Variants in RXFP1 observed in about 807,000 individuals in gnomAD.
The protein encoded by RXFP1 is relaxin receptor 1.
RXFP1 carries 73 observed loss-of-function variants against 89.8 expected under a neutral mutation model. The observed-to-expected ratio is 0.81, with a 90% CI of 0.67 to 0.99. The LOEUF is 0.99. RXFP1 is among the 50% of genes least tolerant of loss of function. RXFP1 has a pLI of 0.00. For synonymous variants in RXFP1, 277 were observed against 305.5 expected (o/e 0.91, Z 0.97); for missense variants, 793 against 895.5 (o/e 0.89, Z 1.46).
chr4:158,627,145 G>T (rs10025895), intron 10 of RXFP1, among the ~76,000 whole-genome samples: 4,532 of 152,166 alleles, frequency 0.03, 199 homozygotes, highest in African/African-American at 0.1. Context: ...AAATACTGCT[G>T]AATGTTCACA....
At chr4:158,564,307 G>C (rs1208173860) in intron 1 of RXFP1, among the ~76,000 whole-genome samples, 1 of 152,142 alleles carries the variant, frequency 6.6e-6, no homozygotes, top group Non-Finnish European at 1.5e-5. Context: ...TTTTTAAATT[G>C]TTATATACAA....
At chr4:158,638,249 T>C (rs1465133600) in intron 13 of RXFP1, among the ~76,000 whole-genome samples, 170 bp downstream of exon 13, 2 of 152,192 alleles carry the variant, frequency 1.3e-5, no homozygotes, top group East Asian at 1.9e-4. Context: ...AACTATTAGT[T>C]TTATCTTATA....
Position 158,599,400 on chromosome 4 carries a change from G to T in RXFP1, c.361G>T (p.Val121Phe). 1.2e-6 allele frequency: 2 copies of T among 1,613,540 alleles called. No homozygotes were observed. The highest frequency in any genetic ancestry group is 1.7e-6 in the Non-Finnish European group (2 of 1,179,660). Residue 121 changes from valine (V) to phenylalanine (F), a missense_variant, in exon 4 of 18, where the codon GTT (valine) becomes TTT (phenylalanine). By Grantham distance (50) the Val-to-Phe change is conservative (BLOSUM62 -1). Coordinates refer to ENST00000307765, the MANE Select transcript of RXFP1 (RefSeq NM_021634.4). ...CTGTGATGAAACCAATTTACGAGCT[G>T]TTCCATCGGTTTCTTCAAATGTGAC... ...LDCDETNLRAVPSVSSNVTAM... is the reference protein window; with the variant it reads ...LDCDETNLRAFPSVSSNVTAM...
At chr4:158,560,328 A>C (rs1247851353) in intron 1 of RXFP1, among the ~76,000 whole-genome samples, 1 of 152,168 alleles carries the variant, frequency 6.6e-6, no homozygotes, top group African/African-American at 2.4e-5. Flanking sequence ...CATCCCACCA[A>C]GCCTGAAGGC....
chr4:158,630,661 A>G (rs1361547813), intron 11 of RXFP1, among the ~76,000 whole-genome samples: 1 of 152,230 alleles, frequency 6.6e-6, no homozygotes, highest in Admixed American at 6.5e-5. Flanking sequence ...GAGGGTGACC[A>G]AGGCCAATAA....
At chr4:158,628,539 G>A (rs1219403830) in intron 10 of RXFP1, 99 bp from the exon 11 acceptor site, 2 of 543,410 alleles carry the variant, frequency 3.7e-6, no homozygotes, top group East Asian at 6.4e-5. Flanking sequence ...AAAATGTACT[G>A]TATATTCATT....
chr4:158,548,081 G>T (rs1254760216), intron 1 of RXFP1, among the ~76,000 whole-genome samples: 1 of 152,172 alleles, frequency 6.6e-6, no homozygotes. Flanking sequence ...TTATGTGGGA[G>T]CCTAAGTCTC....
intron 1 of RXFP1, among the ~76,000 whole-genome samples, chr4:158,567,848 A>C (rs547854194): frequency 5.3e-5 from 8 of 152,300 alleles, no homozygotes; most frequent in Admixed American, 1.3e-4. Context: ...CAGATAAGGG[A>C]ATAAAAGCAG....
At chr4:158,522,500 T>C (rs1370552507) in intron 1 of RXFP1, among the ~76,000 whole-genome samples, 1 of 152,150 alleles carries the variant, frequency 6.6e-6, no homozygotes, top group East Asian at 1.9e-4. Flanking sequence ...TTTAGCAAGG[T>C]TTATCACTGT....
intron 5 of RXFP1, among the ~76,000 whole-genome samples, chr4:158,606,764 T>A (rs1292151437): frequency 6.6e-6 from 1 of 151,790 alleles, no homozygotes; most frequent in African/African-American, 2.4e-5. Context: ...TTTTTTTTTT[T>A]TTAGAGAGAT....
chr4:158,639,147 A>G (rs1769848623), intron 13 of RXFP1, 113 bp from the exon 14 acceptor site: 3 of 603,416 alleles, frequency 5.0e-6, no homozygotes, highest in Non-Finnish European at 8.8e-6. Context: ...TATTTTGTTC[A>G]GAGTAAGTGT....
chr4:158,611,670 C>G (rs1404599038), intron 6 of RXFP1, among the ~76,000 whole-genome samples: 1 of 152,184 alleles, frequency 6.6e-6, no homozygotes, highest in Non-Finnish European at 1.5e-5. Context: ...TTAGTAAAGC[C>G]TTCTCCTGGC....
intron 12 of RXFP1, among the ~76,000 whole-genome samples, chr4:158,635,038 G>A (rs540258706): frequency 1.9e-4 from 29 of 151,738 alleles, no homozygotes; most frequent in Admixed American, 8.5e-4. Context: ...TGAATTTTAG[G>A]ATGGATTTTC....
intron 1 of RXFP1, among the ~76,000 whole-genome samples, chr4:158,524,876 A>G (rs1011690058): frequency 2.0e-5 from 3 of 152,210 alleles, no homozygotes; most frequent in East Asian, 1.9e-4. Flanking sequence ...AAACAAGTGA[A>G]GATATAGGAA....
At chr4:158,533,363 C>T (rs1348011231) in intron 1 of RXFP1, among the ~76,000 whole-genome samples, 1 of 151,962 alleles carries the variant, frequency 6.6e-6, no homozygotes, top group Non-Finnish European at 1.5e-5. Flanking sequence ...AAAGGAATAA[C>T]CATGAAGGAA....
At chr4:158,552,907 A>C (rs1750473633) in intron 1 of RXFP1, among the ~76,000 whole-genome samples, 1 of 152,220 alleles carries the variant, frequency 6.6e-6, no homozygotes, top group Admixed American at 6.5e-5. Flanking sequence ...TCAGATGGCT[A>C]GGTGCTATGG....
intron 17 of RXFP1, among the ~76,000 whole-genome samples, chr4:158,650,432 A>T (rs891443333): frequency 7.6e-5 from 11 of 145,480 alleles, no homozygotes; most frequent in Admixed American, 4.2e-4. Flanking sequence ...AATATATATA[A>T]ATATATATAT....
Position 158,648,498 on chromosome 4 carries a change from G to A in RXFP1, c.1757-1G>A. On this transcript the variant is annotated splice_acceptor_variant, in intron 16 of 17. Transcript: ENST00000307765. LOFTEE classifies it high-confidence loss of function. ...AATAATACTGTTTGTATTCCAAATA[G>A]GTATTAATTTGGCCGCATTTATCAT... The A allele has an allele frequency of 1.3e-6, 2 of 1,541,304 alleles. No individual in the cohort carries two copies. The highest frequency in any genetic ancestry group is 1.8e-6 in the Non-Finnish European group (2 of 1,124,616).
chr4:158,633,592 T>C (rs1455630895), intron 12 of RXFP1, 116 bp downstream of exon 12: 2 of 576,294 alleles, frequency 3.5e-6, no homozygotes, highest in African/African-American at 2.0e-5. Context: ...TAGCATTAGC[T>C]ACATTCACAT....
Sources: allele counts gnomAD v4.1 joint callset (sites outside exome capture counted in the v4.1 genomes callset), GRCh38; gene constraint gnomAD v4.1.1; transcripts MANE v1.5; gene names NCBI Gene and HGNC (gene_info 2026-07-23, HGNC 2026-07-21).